The following GUCY1A2 variants were observed in gnomAD, a reference collection of about 807,000 sequenced individuals.
GUCY1A2 encodes the protein guanylate cyclase soluble subunit alpha-2.
In GUCY1A2, 27 loss-of-function variants were observed where a neutral mutation model predicts 63.5. The observed-to-expected ratio is 0.43, with a 90% CI of 0.31 to 0.59. The LOEUF (loss-of-function observed/expected upper bound fraction) is 0.59. Ranked by LOEUF, GUCY1A2 falls within the 20% of genes least tolerant of loss-of-function variation. The probability of loss-of-function intolerance (pLI) is 0.11; values close to 1 mark genes in which losing one functional copy is unlikely to be tolerated. For synonymous variants in GUCY1A2, 364 were observed against 343.5 expected (o/e 1.06, Z -0.66); for missense variants, 768 against 913.3 (o/e 0.84, Z 2.05).
chr11:106,902,142 C>G (rs1276257652), intron 4 of GUCY1A2, among the ~76,000 whole-genome samples: 1 of 152,120 alleles, frequency 6.6e-6, no homozygotes, highest in Non-Finnish European at 1.5e-5. Flanking sequence ...CAACATTTAT[C>G]TCCTTGTACA....
chr11:106,942,931 G>T (rs4627041), intron 3 of GUCY1A2, among the ~76,000 whole-genome samples: 137,108 of 152,234 alleles, frequency 0.9, 61,832 homozygotes, highest in East Asian at 1. Flanking sequence ...CTAAAGTGAC[G>T]GTTGTATTAC....
chr11:106,905,566 TC>T (rs1176875172), intron 4 of GUCY1A2, among the ~76,000 whole-genome samples: 1 of 151,978 alleles, frequency 6.6e-6, no homozygotes, highest in Non-Finnish European at 1.5e-5. Flanking sequence ...TCAGTCCATA[TC>T]ACTTAGAGAA....
chr11:106,990,961 T>TG (rs1188848298), intron 1 of GUCY1A2, among the ~76,000 whole-genome samples: 1 of 152,188 alleles, frequency 6.6e-6, no homozygotes. Flanking sequence ...ACAATAGGTC[T>TG]GCCTTTAAAG....
chr11:106,800,521 A>G (rs1864855648), intron 5 of GUCY1A2, among the ~76,000 whole-genome samples: 1 of 152,184 alleles, frequency 6.6e-6, no homozygotes, highest in Non-Finnish European at 1.5e-5. Context: ...GGATTAAGAA[A>G]ATGTGACAGA....
In GUCY1A2 at chr11:106,776,472, T is replaced by C; in HGVS notation, c.1803A>G (p.Glu601=). 6.2e-7 allele frequency: 1 copy of C among 1,613,922 alleles called. No homozygotes were observed. The highest frequency in any genetic ancestry group is 8.5e-7 in the Non-Finnish European group (1 of 1,179,818). The change falls in exon 6 of 8, where the codon GAA becomes GAG. Residue 601 remains glutamate, a synonymous_variant. Transcript: ENST00000526355. The part of the protein sequence containing the change: ...LMALKMMELS[E]EVLTPDGRPI... The stretch of plus-strand genomic sequence containing the variant: ...GTCTTCCATCAGGTGTCAGCACCTC[T>C]TCTGAAAGTTCCATCATCTTCAAGG...
intron 3 of GUCY1A2, among the ~76,000 whole-genome samples, chr11:106,947,682 G>A (rs1011180217): frequency 3.3e-5 from 5 of 151,822 alleles, no homozygotes; most frequent in Non-Finnish European, 7.4e-5. Flanking sequence ...TAACCAAAAG[G>A]TGGCATATAT....
chr11:106,938,550 A>T (rs76864775), intron 4 of GUCY1A2, among the ~76,000 whole-genome samples: 4,905 of 152,232 alleles, frequency 0.032, 254 homozygotes, highest in African/African-American at 0.11. Flanking sequence ...CCCTAGTACA[A>T]AATGTTGAAA....
In GUCY1A2 at chr11:106,683,574, C is replaced by T; in HGVS notation, c.*3975G>A. ...ATCCGCCTGAATGAGGCACCAGCAACCCTTTCTGTAGCCATTCTGGGTTCA... is the reference window on the plus strand; with the variant it reads ...ATCCGCCTGAATGAGGCACCAGCAATCCTTTCTGTAGCCATTCTGGGTTCA... On this transcript the variant is annotated 3_prime_UTR_variant, in exon 8 of 8. Transcript: ENST00000526355. 4.4e-6 allele frequency: 1 copy of T among 228,530 alleles called. No homozygotes were observed. The highest frequency in any genetic ancestry group is 8.7e-6 in the Non-Finnish European group (1 of 115,078). The allele number at this position is 228,530 out of a possible 1,614,324, so 14.2% of individuals were successfully genotyped here.
At chr11:106,944,902 T>G (rs926753236) in intron 3 of GUCY1A2, among the ~76,000 whole-genome samples, 2 of 152,168 alleles carry the variant, frequency 1.3e-5, no homozygotes, top group Non-Finnish European at 2.9e-5. Context: ...TCCCTTGTAG[T>G]ATTTTTTCTG....
At chr11:106,839,387 A>G (rs999439108) in intron 4 of GUCY1A2, among the ~76,000 whole-genome samples, 2 of 152,014 alleles carry the variant, frequency 1.3e-5, no homozygotes, top group Admixed American at 6.6e-5. Flanking sequence ...GTGGAGAAAT[A>G]GGAACACTTT....
chr11:106,725,242 G>A lies in GUCY1A2; in HGVS notation c.1837-16576C>T, dbSNP rs1174539367. Among the ~76,000 whole-genome samples, 3 of 41,306 alleles carry A rather than the reference G, an allele frequency of 7.3e-5. 1 individual carries two copies. The highest frequency in any genetic ancestry group is 1.6e-3 in the South Asian group (2 of 1,236). The allele number at this position is 41,306 out of a possible 152,430, so 27.1% of individuals were successfully genotyped here. ...GGCTGGAGTGCAGTGGCGGGATCTCGGCTCACTGGAGGCTCCGCCTCCCGG... is the reference window on the plus strand; with the variant it reads ...GGCTGGAGTGCAGTGGCGGGATCTCAGCTCACTGGAGGCTCCGCCTCCCGG... On this transcript the variant is annotated intron_variant, in intron 6 of 7. Transcript: ENST00000526355.
At chr11:106,782,574 C>T (rs951279660) in intron 5 of GUCY1A2, among the ~76,000 whole-genome samples, 1 of 152,110 alleles carries the variant, frequency 6.6e-6, no homozygotes, top group African/African-American at 2.4e-5. Context: ...ACCTGCCAGC[C>T]CAATCAGCTG....
intron 3 of GUCY1A2, among the ~76,000 whole-genome samples, chr11:106,950,463 G>T (rs1486734076): frequency 6.6e-6 from 1 of 152,218 alleles, no homozygotes; most frequent in Non-Finnish European, 1.5e-5. Flanking sequence ...CCCTTATTCT[G>T]GAATGCAATC....
chr11:106,887,132 G>A lies in GUCY1A2; in HGVS notation c.1206+52328C>T, dbSNP rs918820363. On this transcript the variant is annotated intron_variant, in intron 4 of 7. Transcript: ENST00000526355. ...GCATCTGCTTGTTGCCCCTTCTTACGATTTCATGCATAAATTTATTCTTTT... is the reference window on the plus strand; with the variant it reads ...GCATCTGCTTGTTGCCCCTTCTTACAATTTCATGCATAAATTTATTCTTTT... 9.9e-5 allele frequency among the ~76,000 whole-genome samples: 15 copies of A among 151,912 alleles called. 1 individual carries two copies. The highest frequency in any genetic ancestry group is 5.9e-4 in the Admixed American group (9 of 15,244).
At position 106,680,874 on chromosome 11, in the gene GUCY1A2, T is replaced by G. The variant is rs1209850052; in HGVS notation, c.*6675A>C. On this transcript the variant is annotated 3_prime_UTR_variant, in exon 8 of 8. Transcript: ENST00000526355. Reference sequence around the variant, plus strand: ...GGCAATAATAGGAGCTGTCATCTTATTTAGATGCTTAGGAATGAATCCTAA... The same window carrying G: ...GGCAATAATAGGAGCTGTCATCTTAGTTAGATGCTTAGGAATGAATCCTAA... 2 of 205,094 alleles carry G rather than the reference T, an allele frequency of 9.8e-6. No homozygotes were observed. Among genetic ancestry groups the G allele is most frequent in the Non-Finnish European group, 2.0e-5 (2 of 100,086 alleles). The allele number at this position is 205,094 out of a possible 1,614,324, so 12.7% of individuals were successfully genotyped here. A position where few individuals can be genotyped will look rare whatever the true frequency, so the allele number is the denominator to read the frequency against.
chr11:106,764,711 G>A (rs1361885921), intron 6 of GUCY1A2, among the ~76,000 whole-genome samples: 3 of 152,198 alleles, frequency 2.0e-5, no homozygotes, highest in Non-Finnish European at 2.9e-5. Flanking sequence ...ATAATGCTGA[G>A]CACGTAGTAA....
chr11:106,798,024 GA>G (rs1864798408), intron 5 of GUCY1A2, among the ~76,000 whole-genome samples: 1 of 151,912 alleles, frequency 6.6e-6, no homozygotes, highest in South Asian at 2.1e-4. Context: ...CACACAGCAA[GA>G]CTAAAAAAGA....
intron 6 of GUCY1A2, among the ~76,000 whole-genome samples, chr11:106,736,916 G>C (rs1044828854): frequency 6.6e-6 from 1 of 151,706 alleles, no homozygotes; most frequent in Non-Finnish European, 1.5e-5. Flanking sequence ...GGTGCTACCA[G>C]ACAGTCTCTT....
intron 3 of GUCY1A2, among the ~76,000 whole-genome samples, chr11:106,963,744 G>A (rs1225103358): frequency 1.3e-5 from 2 of 152,086 alleles, no homozygotes; most frequent in South Asian, 4.1e-4. Context: ...ATAAAAATAC[G>A]CTGCAAACTC....
Sources: gnomAD v4.1 joint callset for allele counts (sites outside exome capture counted in the v4.1 genomes callset) on GRCh38, gnomAD v4.1.1 for gene constraint, MANE v1.5 for transcripts, NCBI Gene and HGNC (gene_info 2026-07-23, HGNC 2026-07-21) for gene names.